The following STX18 variants were observed in gnomAD, a reference collection of about 807,000 sequenced individuals.
The protein encoded by STX18 is syntaxin 18.
STX18 carries 40 observed loss-of-function variants against 50.1 expected under a neutral mutation model. That is an observed-to-expected ratio of 0.80 (90% CI 0.62 to 1.04). The LOEUF (loss-of-function observed/expected upper bound fraction) is 1.04. STX18 is among the 50% of genes least tolerant of loss of function. The pLI, the probability that STX18 is intolerant of heterozygous loss-of-function variation, is 0.00. For synonymous variants in STX18, 158 were observed against 151.8 expected, an observed-to-expected ratio of 1.04 and a Z score of -0.30; for missense variants, 410 against 415.8, an observed-to-expected ratio of 0.99 and a Z score of 0.12.
intron 1 of STX18, among the ~76,000 whole-genome samples, chr4:4,525,588 G>C (rs1321695158): frequency 6.6e-6 from 1 of 152,144 alleles, no homozygotes; most frequent in African/African-American, 2.4e-5. Context: ...AGAAGATATG[G>C]TGTCTGTTCT....
intron 4 of STX18, 54 bp from the exon 5 acceptor site, chr4:4,457,311 A>G (rs889222893): frequency 1.9e-4 from 309 of 1,584,808 alleles, no homozygotes; most frequent in Non-Finnish European, 2.5e-4. Flanking sequence ...CTTCTCAGGC[A>G]AAGCCATCAT....
chr4:4,470,036 C>T (rs1727833783), intron 2 of STX18, among the ~76,000 whole-genome samples: 1 of 152,190 alleles, frequency 6.6e-6, no homozygotes. Flanking sequence ...ATGTACTATA[C>T]ACGTAGTGCT....
chr4:4,450,449 T>C (rs1577333643), intron 5 of STX18, among the ~76,000 whole-genome samples: 1 of 152,172 alleles, frequency 6.6e-6, no homozygotes, highest in South Asian at 2.1e-4. Context: ...GCCTCCCACA[T>C]GGCTAGGACT....
At chr4:4,510,289 T>C (rs1729936388) in intron 1 of STX18, among the ~76,000 whole-genome samples, 1 of 152,172 alleles carries the variant, frequency 6.6e-6, no homozygotes. Context: ...TCCCCAGTCA[T>C]AGTTTTTTAA....
chr4:4,440,394 G>A (rs975998348), intron 5 of STX18, among the ~76,000 whole-genome samples: 1 of 152,194 alleles, frequency 6.6e-6, no homozygotes, highest in African/African-American at 2.4e-5. Context: ...GAGGTGTAGA[G>A]AAGTTAGGAA....
At chr4:4,470,728 G>A (rs1727869061) in intron 2 of STX18, among the ~76,000 whole-genome samples, 1 of 152,174 alleles carries the variant, frequency 6.6e-6, no homozygotes, top group Non-Finnish European at 1.5e-5. Flanking sequence ...GGGAAGAGGA[G>A]GAACAGCATA....
intron 1 of STX18, among the ~76,000 whole-genome samples, chr4:4,500,810 TG>T (rs1305016307): frequency 6.6e-6 from 1 of 152,096 alleles, no homozygotes; most frequent in African/African-American, 2.4e-5. Flanking sequence ...CCAAGGTGGG[TG>T]GATCACCTGA....
intron 1 of STX18, among the ~76,000 whole-genome samples, chr4:4,498,893 C>T (rs1369002825): frequency 6.6e-6 from 1 of 152,078 alleles, no homozygotes; most frequent in Non-Finnish European, 1.5e-5. Flanking sequence ...TAAGACATCA[C>T]CTGTTTCACA....
chr4:4,538,363 T>C (rs937277004), intron 1 of STX18, among the ~76,000 whole-genome samples: 2 of 152,204 alleles, frequency 1.3e-5, no homozygotes, highest in Non-Finnish European at 2.9e-5. Flanking sequence ...GAGTTTCACC[T>C]TGGCAAAGAA....
chr4:4,441,400 T>A (rs1726099910), intron 5 of STX18, among the ~76,000 whole-genome samples: 1 of 152,198 alleles, frequency 6.6e-6, no homozygotes, highest in African/African-American at 2.4e-5. Flanking sequence ...TATAAGGATA[T>A]TCACCACAAA....
chr4:4,504,735 T>C (rs1275469487), intron 1 of STX18, among the ~76,000 whole-genome samples: 1 of 152,118 alleles, frequency 6.6e-6, no homozygotes, highest in African/African-American at 2.4e-5. Flanking sequence ...ATTAGAGAAA[T>C]GCTAATTAAC....
rs76968411 is a variant in STX18 at position 4,476,916 on chromosome 4, C to T, written c.169-5210G>A. On this transcript the variant is annotated intron_variant, in intron 1 of 10. Coordinates refer to ENST00000306200, the MANE Select transcript of STX18 (RefSeq NM_016930.4). ...AATAACATGTTATTTTAAAAAATCT[C>T]GGGGCTTGGGCAGTGGCTTAAGCCT... is the stretch of plus-strand genomic sequence containing the variant. 5.4e-3 allele frequency among the ~76,000 whole-genome samples: 820 copies of T among 152,080 alleles called. 10 individuals carry two copies. The highest frequency in any genetic ancestry group is 0.018 in the African/African-American group (744 of 41,496).
chr4:4,515,595 A>G lies in STX18; in HGVS notation c.168+26202T>C, dbSNP rs1190342050. On this transcript the variant is annotated intron_variant, in intron 1 of 10. Coordinates refer to ENST00000306200, the MANE Select transcript of STX18 (RefSeq NM_016930.4). The stretch of plus-strand genomic sequence containing the variant: ...TACCAGTCTGATTAGTAAATGCAAT[A>G]AAAATGTGTACCTAGAAAAAAACGA... 9.9e-5 allele frequency among the ~76,000 whole-genome samples: 15 copies of G among 152,168 alleles called. 1 individual carries two copies. Among genetic ancestry groups the G allele is most frequent in the Non-Finnish European group, 2.2e-4 (15 of 68,008 alleles).
At chr4:4,479,805 T>C (rs1728368916) in intron 1 of STX18, among the ~76,000 whole-genome samples, 1 of 152,154 alleles carries the variant, frequency 6.6e-6, no homozygotes, top group African/African-American at 2.4e-5. Flanking sequence ...AAAAAGACTC[T>C]CTTACATTAT....
At chr4:4,440,920 G>C (rs1276262378) in intron 5 of STX18, among the ~76,000 whole-genome samples, 1 of 152,222 alleles carries the variant, frequency 6.6e-6, no homozygotes, top group East Asian at 1.9e-4. Flanking sequence ...GGCTCTGTGT[G>C]TCTCAGGAGG....
In STX18 at chr4:4,449,042, C is replaced by CTTT. The variant is rs34106688; in HGVS notation, c.497+8146_497+8148dup. Among the ~76,000 whole-genome samples the CTTT allele has an allele frequency of 1.7e-3, 192 of 110,108 alleles. 1 individual carries two copies. The highest frequency in any genetic ancestry group is 3.1e-3 in the African/African-American group (86 of 27,986). The allele number at this position is 110,108 out of a possible 152,430, so 72.2% of individuals were successfully genotyped here. ...TTCCATTTCTCCCTTGGACCCCATT[C>CTTT]TTTTTTTTTTTTTTTTTTTTTTGAG... On this transcript the variant is annotated intron_variant, in intron 5 of 10. Coordinates refer to ENST00000306200, the MANE Select transcript of STX18 (RefSeq NM_016930.4).
chr4:4,431,605 C>G (rs1725521834), intron 7 of STX18, among the ~76,000 whole-genome samples: 1 of 152,150 alleles, frequency 6.6e-6, no homozygotes, highest in African/African-American at 2.4e-5. Flanking sequence ...ATGCGTTTCT[C>G]TAGCCCGAGC....
At chr4:4,498,680 G>A (rs902931386) in intron 1 of STX18, among the ~76,000 whole-genome samples, 1 of 152,084 alleles carries the variant, frequency 6.6e-6, no homozygotes, top group Non-Finnish European at 1.5e-5. Flanking sequence ...ATACAAAATA[G>A]GCAGTCAGGA....
At chr4:4,453,258 A>G (rs1338893675) in intron 5 of STX18, among the ~76,000 whole-genome samples, 1 of 152,244 alleles carries the variant, frequency 6.6e-6, no homozygotes, top group Non-Finnish European at 1.5e-5. Context: ...CACACAATAG[A>G]GAAACCTTTT....
Sources: allele counts gnomAD v4.1 joint callset (sites outside exome capture counted in the v4.1 genomes callset), GRCh38; gene constraint gnomAD v4.1.1; transcripts MANE v1.5; gene names NCBI Gene and HGNC (gene_info 2026-07-23, HGNC 2026-07-21).